The following VPS53 variants were observed in gnomAD, a reference collection of about 807,000 sequenced individuals.
VPS53 encodes the protein vacuolar protein sorting-associated protein 53 homolog.
VPS53 carries 70 observed loss-of-function variants against 107.0 expected under a neutral mutation model. The observed-to-expected ratio is 0.65, with a 90% CI of 0.54 to 0.80. The LOEUF (loss-of-function observed/expected upper bound fraction) is 0.80, where lower values mean the gene tolerates loss of function less well. Among genes scored for constraint, VPS53 ranks in the 30% least tolerant of loss-of-function variants. The probability of loss-of-function intolerance (pLI) is 0.00; values close to 1 mark genes in which losing one functional copy is unlikely to be tolerated. For synonymous variants in VPS53, 409 were observed against 393.3 expected, an observed-to-expected ratio of 1.04 and a Z score of -0.47; for missense variants, 917 against 1,049.4, an observed-to-expected ratio of 0.87 and a Z score of 1.74.
intron 11 of VPS53, among the ~76,000 whole-genome samples, chr17:605,354 CTGAG>C (rs1029696292): frequency 5.7e-4 from 87 of 152,132 alleles, no homozygotes; most frequent in African/African-American, 1.9e-3. Context: ...GACGGCTGAG[CTGAG>C]TAAGAAGGAA....
At chr17:559,799 AG>A (rs1282406781) in intron 15 of VPS53, among the ~76,000 whole-genome samples, 5 of 152,190 alleles carry the variant, frequency 3.3e-5, no homozygotes, top group Non-Finnish European at 7.3e-5. Context: ...AAGTGTGAAA[AG>A]GACTTCTAAT....
At chr17:664,693 G>A (rs778083749) in intron 4 of VPS53, among the ~76,000 whole-genome samples, 12 of 152,168 alleles carry the variant, frequency 7.9e-5, no homozygotes, top group South Asian at 2.1e-4. Context: ...GAGGGAAAGC[G>A]GGAGTGAAAG....
At chr17:630,726 A>C (rs927432271) in intron 8 of VPS53, among the ~76,000 whole-genome samples, 1 of 152,198 alleles carries the variant, frequency 6.6e-6, no homozygotes, top group African/African-American at 2.4e-5. Flanking sequence ...TACAGAGCAG[A>C]TGCAGGAAAT....
chr17:712,454 C>T (rs1973681729), intron 1 of VPS53, among the ~76,000 whole-genome samples: 1 of 152,118 alleles, frequency 6.6e-6, no homozygotes, highest in South Asian at 2.1e-4. Flanking sequence ...GCTGGGATTA[C>T]AGGTGTGAGC....
chr17:674,887 T>C (rs1972094312), intron 4 of VPS53: 1 of 152,256 alleles, frequency 6.6e-6, no homozygotes, highest in Admixed American at 6.5e-5. Context: ...TCTTCATCTG[T>C]AAAATGGGGA....
intron 7 of VPS53, among the ~76,000 whole-genome samples, chr17:644,849 G>A (rs1970619152): frequency 6.6e-6 from 1 of 152,198 alleles, no homozygotes; most frequent in Admixed American, 6.6e-5. Flanking sequence ...CTACCAAAGT[G>A]CTGGGACTCC....
At chr17:600,038 C>T (rs997756646) in intron 12 of VPS53, 1 of 152,182 alleles carries the variant, frequency 6.6e-6, no homozygotes, top group Non-Finnish European at 1.5e-5. Flanking sequence ...GGTCAGATGT[C>T]AGTGTTCTGT....
At chr17:640,728 T>G (rs182782401) in intron 7 of VPS53, among the ~76,000 whole-genome samples, 2 of 152,072 alleles carry the variant, frequency 1.3e-5, no homozygotes, top group East Asian at 3.9e-4. Context: ...TCTCCAGTAC[T>G]GATTATTCCA....
intron 7 of VPS53, among the ~76,000 whole-genome samples, chr17:633,073 A>G (rs974127724): frequency 2.0e-5 from 3 of 152,210 alleles, no homozygotes; most frequent in Admixed American, 2.0e-4. Flanking sequence ...CCGTGAGTGT[A>G]CTAGGAGCTC....
chr17:513,664 AG>A lies in VPS53; in HGVS notation c.*5463del, dbSNP rs1908095546. On this transcript the variant is annotated 3_prime_UTR_variant, in exon 22 of 22. Transcript: ENST00000437048. The stretch of plus-strand genomic sequence containing the variant: ...GCAGGTTATTCCGAGTGCTCTTCCT[AG>A]CGAAGGAATCCCATTTCCAGCAGGT... The A allele has an allele frequency of 6.7e-6, 1 of 148,346 alleles. No individual in the cohort carries two copies. The highest frequency in any genetic ancestry group is 2.5e-5 in the African/African-American group (1 of 40,422). The allele number at this position is 148,346 out of a possible 1,614,324, so 9.2% of individuals were successfully genotyped here. A position where few individuals can be genotyped will look rare whatever the true frequency, so the allele number is the denominator to read the frequency against.
chr17:600,067 T>C (rs1968256783), intron 12 of VPS53: 1 of 152,214 alleles, frequency 6.6e-6, no homozygotes, highest in South Asian at 2.1e-4. Context: ...AATGAGCAGG[T>C]CTTGGTCCTT....
chr17:617,033 C>A (rs999888592), intron 11 of VPS53, among the ~76,000 whole-genome samples: 8 of 152,316 alleles, frequency 5.3e-5, no homozygotes, highest in East Asian at 3.9e-4. Flanking sequence ...AAAACAAGTG[C>A]TTGGCAAGAA....
chr17:634,807 T>G (rs1435983719), intron 7 of VPS53, among the ~76,000 whole-genome samples: 2 of 151,818 alleles, frequency 1.3e-5, no homozygotes, highest in Admixed American at 1.3e-4. Flanking sequence ...GATGGACATT[T>G]GGGTTGGTTC....
chr17:578,443 T>C (rs1411274812), intron 13 of VPS53, among the ~76,000 whole-genome samples: 1 of 145,094 alleles, frequency 6.9e-6, no homozygotes, highest in Non-Finnish European at 1.5e-5. Flanking sequence ...CCCAGACAAC[T>C]TCCCTCAGAA....
intron 12 of VPS53, among the ~76,000 whole-genome samples, chr17:589,406 T>C (rs993987660): frequency 2.0e-5 from 3 of 152,130 alleles, no homozygotes; most frequent in African/African-American, 7.2e-5. Flanking sequence ...GGTAATAGAA[T>C]TGAATGCCCT....
rs1051490091 is a variant in VPS53 at position 657,336 on chromosome 17, A to G, written c.373-1383T>C. On this transcript the variant is annotated intron_variant, in intron 5 of 21. Transcript: ENST00000437048. ...ATCCATGAACCCAGCAGGGTATGTT[A>G]TATCAGTTCGGACCGTGCCATCGAT... 52 of 756,980 alleles carry G rather than the reference A, an allele frequency of 6.9e-5. 1 individual carries two copies. Among genetic ancestry groups the G allele is most frequent in the South Asian group, 4.3e-4 (28 of 65,340 alleles). The allele number at this position is 756,980 out of a possible 1,614,324, so 46.9% of individuals were successfully genotyped here.
intron 4 of VPS53, among the ~76,000 whole-genome samples, chr17:678,204 G>A (rs2143763932): frequency 6.6e-6 from 1 of 152,202 alleles, no homozygotes; most frequent in South Asian, 2.1e-4. Context: ...CGGACTGCCT[G>A]AGGTCAGGAG....
chr17:595,280 G>C (rs1414896508), intron 12 of VPS53, among the ~76,000 whole-genome samples: 12 of 72,118 alleles, frequency 1.7e-4, no homozygotes, highest in Non-Finnish European at 3.4e-5. Context: ...AGATGGGAAG[G>C]GGTCTGGATC....
chr17:713,104 G>C (rs757039374), intron 1 of VPS53, among the ~76,000 whole-genome samples: 1 of 152,052 alleles, frequency 6.6e-6, no homozygotes, highest in African/African-American at 2.4e-5. Flanking sequence ...GGGAGGCTGA[G>C]GCAGGGTTAT....
Sources: gnomAD v4.1 joint callset for allele counts (sites outside exome capture counted in the v4.1 genomes callset) on GRCh38, gnomAD v4.1.1 for gene constraint, MANE v1.5 for transcripts, NCBI Gene and HGNC (gene_info 2026-07-23, HGNC 2026-07-21) for gene names.